DNAAF1: variants seen among roughly 807,000 people sequenced by gnomAD.
DNAAF1 encodes the protein dynein axonemal assembly factor 1.
A neutral mutation model predicts 71.1 loss-of-function variants in DNAAF1; 65 were observed. The observed-to-expected ratio is 0.91, with a 90% CI of 0.75 to 1.12. The LOEUF (loss-of-function observed/expected upper bound fraction) is 1.12, where lower values mean the gene tolerates loss of function less well. DNAAF1 is among the 50% of genes most tolerant of loss of function. DNAAF1 has a pLI of 0.00. For synonymous variants in DNAAF1, 414 were observed against 354.6 expected (o/e 1.17, Z -1.88); for missense variants, 1,178 against 899.8 (o/e 1.31, Z -3.96).
intron 5 of DNAAF1, among the ~76,000 whole-genome samples, chr16:84,156,451 G>A (rs1445820360): frequency 6.6e-6 from 1 of 152,196 alleles, no homozygotes; most frequent in Admixed American, 6.5e-5. Flanking sequence ...AGGTGTGTCA[G>A]GTCCTTCCAC....
Position 84,155,684 on chromosome 16 carries a change from G to C in DNAAF1, c.676G>C (p.Asp226His). 6.2e-7 allele frequency: 1 copy of C among 1,614,124 alleles called. No individual in the cohort carries two copies. Among genetic ancestry groups the C allele is most frequent in the Non-Finnish European group, 8.5e-7 (1 of 1,180,030 alleles). Reference protein sequence around the residue: ...LQECLRLCVLDLSHNKLSDPE... With the variant: ...LQECLRLCVLHLSHNKLSDPE... ...AGAGTGTTTGAGGCTTTGTGTCCTT[G>C]ACCTTTCGCACAACAAGCTGAGTGA... The change falls in exon 5 of 12, where the codon GAC becomes CAC. Residue 226 changes from aspartate to histidine, a missense_variant. Coordinates refer to ENST00000378553, the MANE Select transcript of DNAAF1 (RefSeq NM_178452.6).
At chr16:84,149,328 GC>G (rs2087072704) in intron 2 of DNAAF1, among the ~76,000 whole-genome samples, 186 bp downstream of exon 2, 1 of 152,164 alleles carries the variant, frequency 6.6e-6, no homozygotes, top group African/African-American at 2.4e-5. Flanking sequence ...AAACTTTAAT[GC>G]CAGACTGCAG....
At chr16:84,163,655 A>G (rs571454618) in intron 6 of DNAAF1, among the ~76,000 whole-genome samples, 2 of 152,178 alleles carry the variant, frequency 1.3e-5, no homozygotes, top group South Asian at 4.1e-4. Flanking sequence ...CTAGGATTAC[A>G]GGTGTGAGCC....
At chr16:84,152,256 A>G (rs1001407098) in intron 3 of DNAAF1, among the ~76,000 whole-genome samples, 1 of 152,226 alleles carries the variant, frequency 6.6e-6, no homozygotes, top group Non-Finnish European at 1.5e-5. Flanking sequence ...ACCAGGGAGA[A>G]AAACCAGAAT....
chr16:84,149,954 G>A (rs1407537405), intron 2 of DNAAF1, among the ~76,000 whole-genome samples: 1 of 152,118 alleles, frequency 6.6e-6, no homozygotes, highest in African/African-American at 2.4e-5. Flanking sequence ...GAACCTGGGA[G>A]GCAGAGTTTG....
intron 8 of DNAAF1, among the ~76,000 whole-genome samples, chr16:84,170,588 CT>C (rs764163629): frequency 2.6e-5 from 4 of 152,116 alleles, no homozygotes; most frequent in Non-Finnish European, 5.9e-5. Flanking sequence ...GCAAAAGGAA[CT>C]TTGGGAGGCC....
rs1339505035 is a variant in DNAAF1, at chr16:84,169,956, G to A, written c.1128G>A (p.Glu376=). The change falls in exon 8 of 12, where the codon GAG becomes GAA. Residue 376 remains glutamate (E), a synonymous_variant. Transcript: ENST00000378553. ...ACAGAGAAACAAGGCAGAAGATGGA[G>A]CTATTTGTTAAGGAAAGCTTTGAGG... The part of the protein sequence containing the change: ...PGDRETRQKM[E]LFVKESFEAK... The A allele has an allele frequency of 1.2e-6, 2 of 1,614,140 alleles. No homozygotes were observed. The highest frequency in any genetic ancestry group is 1.1e-5 in the South Asian group (1 of 91,084).
intron 3 of DNAAF1, among the ~76,000 whole-genome samples, chr16:84,153,159 C>T (rs1484115184): frequency 6.6e-6 from 1 of 152,008 alleles, no homozygotes; most frequent in Non-Finnish European, 1.5e-5. Flanking sequence ...AAAAAAAAAT[C>T]CTATCTTTTA....
At chr16:84,174,556 T>G (rs2088552763) in intron 9 of DNAAF1, 113 bp from the exon 10 acceptor site, 3 of 1,596,200 alleles carry the variant, frequency 1.9e-6, no homozygotes, top group Non-Finnish European at 2.6e-6. Context: ...CTGAGTGATT[T>G]GAGTAACTGT....
chr16:84,159,721 A>G lies in DNAAF1; in HGVS notation c.788A>G (p.Asn263Ser). 1 of 1,614,092 alleles carries G rather than the reference A, an allele frequency of 6.2e-7. No individual in the cohort carries two copies. Among genetic ancestry groups the G allele is most frequent in the East Asian group, 2.2e-5 (1 of 44,860 alleles). The change falls in exon 6 of 12, where the codon AAT (asparagine) becomes AGT (serine). Residue 263 changes from asparagine to serine, a missense_variant. Coordinates refer to ENST00000378553, the MANE Select transcript of DNAAF1 (RefSeq NM_178452.6). ...MGNPVIRQIP[N>S]YRRTVTVRLK... Reference sequence around the variant, plus strand: ...AACCCGGTTATCAGACAGATTCCTAATTACAGAAGGACAGTCACTGTACGA... The same window carrying G: ...AACCCGGTTATCAGACAGATTCCTAGTTACAGAAGGACAGTCACTGTACGA...
At chr16:84,166,928 GT>G (rs1472741820) in intron 7 of DNAAF1, among the ~76,000 whole-genome samples, 2 of 152,190 alleles carry the variant, frequency 1.3e-5, no homozygotes, top group Admixed American at 1.3e-4. Context: ...TGTGCAGGGT[GT>G]CCCCACACCC....
chr16:84,176,597 G>A lies in DNAAF1; in HGVS notation c.2065+298G>A, dbSNP rs575121776. The A allele has an allele frequency of 6.3e-5, 31 of 494,372 alleles. 1 individual carries two copies. The highest frequency in any genetic ancestry group is 8.1e-5 in the South Asian group (4 of 49,148). 30.6% of individuals were successfully genotyped at this position (494,372 alleles called of 1,614,324 possible). On this transcript the variant is annotated intron_variant, in intron 11 of 11. Transcript: ENST00000378553. The stretch of plus-strand genomic sequence containing the variant: ...TGTGGTCATGCAGATCTCCTGGGGC[G>A]GGGGCCTAATGACCGTGCATTTCCA...
rs1555527001 is a variant in DNAAF1 at position 84,176,170 on chromosome 16, CT to C, written c.1937del (p.Leu646ArgfsTer15). ...ACAAGACACCAAGTCCCCAAGACCCCTGATCCAGGAGCTCAGCGACGAGGAC... is the reference window on the plus strand; with the variant it reads ...ACAAGACACCAAGTCCCCAAGACCCCGATCCAGGAGCTCAGCGACGAGGAC... ...RKQDTKSPRPLIQELSDEDPS... is the reference protein window; with the variant it reads ...RKQDTKSPRPXIQELSDEDPS... On this transcript the variant is annotated frameshift_variant, in exon 11 of 12. Transcript: ENST00000378553. LOFTEE classifies it high-confidence loss of function. 9 of 1,614,114 alleles carry C rather than the reference CT, an allele frequency of 5.6e-6. No individual in the cohort carries two copies. Among genetic ancestry groups the C allele is most frequent in the Non-Finnish European group, 7.6e-6 (9 of 1,180,042 alleles).
intron 8 of DNAAF1, 133 bp from the exon 9 acceptor site, chr16:84,172,127 T>C (rs1313159180): frequency 4.9e-6 from 4 of 812,786 alleles, no homozygotes; most frequent in South Asian, 1.5e-5. Context: ...TCCGCCCACC[T>C]TGGCCCCCCA....
chr16:84,168,579 C>T (rs1211822102), intron 7 of DNAAF1, among the ~76,000 whole-genome samples: 1 of 152,080 alleles, frequency 6.6e-6, no homozygotes. Flanking sequence ...CACCTGGCCA[C>T]ACATACATTT....
chr16:84,149,249 C>A, intron 2 of DNAAF1, 107 bp downstream of exon 2: 1 of 1,419,920 alleles, frequency 7.0e-7, no homozygotes, highest in Middle Eastern at 1.8e-4. Context: ...ATTGAATTGC[C>A]TGCCCAATGT....
rs1212093224 is a variant in DNAAF1 at position 84,154,774 on chromosome 16, T to A, written c.550T>A (p.Tyr184Asn). The change falls in exon 4 of 12, where the codon TAC becomes AAC. Residue 184 changes from tyrosine (Y) to asparagine (N), a missense_variant. Coordinates refer to ENST00000378553, the MANE Select transcript of DNAAF1 (RefSeq NM_178452.6). ...GGATGCTCTTAACCTCAGCAACAAT[T>A]ACATCAAGACCATTGAAAACCTCTG... ...KLDALNLSNNYIKTIENLSCL... is the reference protein window; with the variant it reads ...KLDALNLSNNNIKTIENLSCL... 6.2e-7 allele frequency: 1 copy of A among 1,614,066 alleles called. No individual in the cohort carries two copies. The highest frequency in any genetic ancestry group is 2.2e-5 in the East Asian group (1 of 44,886).
Position 84,174,708 on chromosome 16 carries a change from T to A in DNAAF1, c.1684T>A (p.Ser562Thr), listed in dbSNP as rs373640751. Residue 562 changes from serine (S) to threonine (T), a missense_variant, in exon 10 of 12, where the codon TCT (serine) becomes ACT (threonine). Ser to Thr is a moderately conservative substitution (Grantham distance 58). Transcript: ENST00000378553. Reference sequence around the variant, plus strand: ...GGAAGATGATGATGAAACAGGCAAATCTCTGGAAGACCAGGTTAAGGTCAT... The same window carrying A: ...GGAAGATGATGATGAAACAGGCAAAACTCTGGAAGACCAGGTTAAGGTCAT... ...DLEDDDETGK[S>T]LEDQNMCFPK... is the part of the protein sequence containing the mutation. The A allele has an allele frequency of 1.3e-5, 21 of 1,614,186 alleles. No homozygotes were observed. The highest frequency in any genetic ancestry group is 2.7e-5 in the African/African-American group (2 of 75,046).
intron 1 of DNAAF1, among the ~76,000 whole-genome samples, chr16:84,146,435 G>A (rs897486363): frequency 1.3e-5 from 2 of 152,102 alleles, no homozygotes; most frequent in African/African-American, 2.4e-5. Flanking sequence ...TAACCTTCAT[G>A]GCCAGGCACG....
Sources: allele counts gnomAD v4.1 joint callset (sites outside exome capture counted in the v4.1 genomes callset), GRCh38; gene constraint gnomAD v4.1.1; transcripts MANE v1.5; gene names NCBI Gene and HGNC (gene_info 2026-07-23, HGNC 2026-07-21).